Variants in FAS observed in about 807,000 individuals in gnomAD.
The protein encoded by FAS is Fas cell surface death receptor, also known as tumor necrosis factor receptor superfamily member 6.
FAS carries 5 observed loss-of-function variants against 33.2 expected under a neutral mutation model. That is an observed-to-expected ratio of 0.15 (90% CI 0.08 to 0.32). The LOEUF (loss-of-function observed/expected upper bound fraction) is 0.32, where lower values mean the gene tolerates loss of function less well. FAS is among the 10% of genes least tolerant of loss of function. The probability of loss-of-function intolerance (pLI) is 1.00; values close to 1 mark genes in which losing one functional copy is unlikely to be tolerated. For missense variants in FAS, 339 were observed against 386.0 expected, an observed-to-expected ratio of 0.88 and a Z score of 1.02; for synonymous variants, 131 against 130.7, an observed-to-expected ratio of 1.00 and a Z score of -0.01.
upstream of FAS, chr10:88,989,503 A>C (rs1293946119): frequency 1.8e-6 from 1 of 544,330 alleles, no homozygotes; most frequent in Non-Finnish European, 3.6e-6. Context: ...TGGCACGCCC[A>C]GGGTCTTCCT....
rs1410198642 is a variant in FAS at position 88,999,163 on chromosome 10, AT to A, written c.31-3865del. On this transcript the variant is annotated intron_variant, in intron 1 of 8. Coordinates refer to ENST00000652046, the MANE Select transcript of FAS (RefSeq NM_000043.6). ...GCGAGACTCCGTCTCAAAAAAATAAATAAATAAATAAAATAAAATAAAATAA... is the reference window on the plus strand; with the variant it reads ...GCGAGACTCCGTCTCAAAAAAATAAAAAATAAATAAAATAAAATAAAATAA... 4.0e-3 allele frequency among the ~76,000 whole-genome samples: 431 copies of A among 107,302 alleles called. 2 individuals carry two copies. The highest frequency in any genetic ancestry group is 0.012 in the African/African-American group (389 of 33,340). 70.4% of individuals were successfully genotyped at this position (107,302 alleles called of 152,430 possible).
upstream of FAS, among the ~76,000 whole-genome samples, chr10:88,990,043 C>T (rs1847071771): frequency 6.6e-6 from 1 of 152,070 alleles, no homozygotes. The surrounding 1 kb of genome is among the most constrained non-coding windows in gnomAD (Gnocchi z 4.9). Context: ...TAACGAAGGA[C>T]AGGAAGTAAT....
intron 1 of FAS, among the ~76,000 whole-genome samples, chr10:88,996,070 A>G (rs1002217342): frequency 6.6e-6 from 1 of 152,202 alleles, no homozygotes; most frequent in Non-Finnish European, 1.5e-5. Flanking sequence ...TTGTGTTTCT[A>G]TTCACCTCTG....
At chr10:89,012,402 T>G (rs1848578083) in intron 7 of FAS, 1 of 307,176 alleles carries the variant, frequency 3.3e-6, no homozygotes, top group Non-Finnish European at 6.3e-6. Flanking sequence ...GGTCTCAAAC[T>G]TTTGACCTCA....
intron 1 of FAS, among the ~76,000 whole-genome samples, chr10:88,994,410 A>C (rs1427892691): frequency 2.0e-5 from 3 of 152,240 alleles, no homozygotes; most frequent in Non-Finnish European, 2.9e-5. Flanking sequence ...CTATTTACTT[A>C]TGATGAAAAA....
chr10:88,970,143 T>C (rs577927010), intron 1 of FAS, among the ~76,000 whole-genome samples: 15 of 152,186 alleles, frequency 9.9e-5, no homozygotes, highest in African/African-American at 3.4e-4. Context: ...CAGGATATGA[T>C]ACCTAAAGAA....
chr10:88,997,320 G>A (rs1847660291), intron 1 of FAS, among the ~76,000 whole-genome samples: 1 of 152,104 alleles, frequency 6.6e-6, no homozygotes, highest in Admixed American at 6.5e-5. Context: ...CTATTTTTCT[G>A]ACTCTAGCAC....
At chr10:89,013,521 G>A (rs1589488956) in intron 8 of FAS, among the ~76,000 whole-genome samples, 154 bp downstream of exon 8, 1 of 152,118 alleles carries the variant, frequency 6.6e-6, no homozygotes, top group Admixed American at 6.5e-5. Context: ...GCATTTATCA[G>A]GCAGTTTGTT....
rs1216732253 is a variant in FAS at position 89,015,888 on chromosome 10, C to T, written c.*1438C>T. On this transcript the variant is annotated 3_prime_UTR_variant, in exon 9 of 9. Coordinates refer to ENST00000652046, the MANE Select transcript of FAS (RefSeq NM_000043.6). ...CTTGTCTTTAATGCTTCTTGGATCC[C>T]TTAGAAGGTACTTCCTTTTTAACCT... is the stretch of plus-strand genomic sequence containing the variant. 5.9e-6 allele frequency: 2 copies of T among 341,756 alleles called. No individual in the cohort carries two copies. Among genetic ancestry groups the T allele is most frequent in the Admixed American group, 8.6e-5 (2 of 23,222 alleles). 21.2% of individuals were successfully genotyped at this position (341,756 alleles called of 1,614,324 possible). A position where few individuals can be genotyped will look rare whatever the true frequency, so the allele number is the denominator to read the frequency against.
chr10:88,996,284 T>TC (rs1847585662), intron 1 of FAS, among the ~76,000 whole-genome samples: 1 of 151,888 alleles, frequency 6.6e-6, no homozygotes, highest in Admixed American at 6.6e-5. Context: ...GTTGTTTTTT[T>TC]TCATGTGAAT....
At position 89,014,786 on chromosome 10, in the gene FAS, A is replaced by C. The variant is rs1338718072; in HGVS notation, c.*336A>C. The C allele has an allele frequency of 3.6e-6, 2 of 556,836 alleles. No homozygotes were observed. Among genetic ancestry groups the C allele is most frequent in the Non-Finnish European group, 3.4e-6 (1 of 292,444 alleles). 34.5% of individuals were successfully genotyped at this position (556,836 alleles called of 1,614,324 possible). Reference sequence around the variant, plus strand: ...GAATGTAATCAGTGTATGTTAGTACAAATGTCTATCCACAGGCTAACCCCA... The same window carrying C: ...GAATGTAATCAGTGTATGTTAGTACCAATGTCTATCCACAGGCTAACCCCA... On this transcript the variant is annotated 3_prime_UTR_variant, in exon 9 of 9. Coordinates refer to ENST00000652046, the MANE Select transcript of FAS (RefSeq NM_000043.6).
rs1182023041 is a variant in FAS at position 89,014,827 on chromosome 10, G to T, written c.*377G>T. 1.8e-6 allele frequency: 1 copy of T among 543,728 alleles called. No individual in the cohort carries two copies. Among genetic ancestry groups the T allele is most frequent in the Non-Finnish European group, 3.5e-6 (1 of 283,342 alleles). The allele number at this position is 543,728 out of a possible 1,614,324, so 33.7% of individuals were successfully genotyped here. A position where few individuals can be genotyped will look rare whatever the true frequency, so the allele number is the denominator to read the frequency against. On this transcript the variant is annotated 3_prime_UTR_variant, in exon 9 of 9. Transcript: ENST00000652046. ...GCTAACCCCACTCTATGAATCAATA[G>T]AAGAAGCTATGACCTTTTGCTGAAA...
At chr10:88,981,705 G>A (rs577130308) in intron 2 of FAS, among the ~76,000 whole-genome samples, 63 of 152,232 alleles carry the variant, frequency 4.1e-4, no homozygotes, top group Admixed American at 9.8e-4. Context: ...CTGGATGGGG[G>A]AAACGGTAGA....
chr10:88,976,085 T>C (rs1168671808), intron 2 of FAS, among the ~76,000 whole-genome samples: 1 of 152,190 alleles, frequency 6.6e-6, no homozygotes, highest in Non-Finnish European at 1.5e-5. Context: ...GTTATAGTGA[T>C]AATATAATGT....
intron 1 of FAS, among the ~76,000 whole-genome samples, chr10:88,995,886 C>T (rs953451710): frequency 1.9e-4 from 29 of 152,286 alleles, no homozygotes; most frequent in African/African-American, 6.3e-4. Context: ...TGTGAATTAG[C>T]AAATCTGACT....
At position 89,014,409 on chromosome 10, in the gene FAS, G is replaced by A; in HGVS notation, c.967G>A (p.Glu323Lys). 1 of 1,612,414 alleles carries A rather than the reference G, an allele frequency of 6.2e-7. No homozygotes were observed. Among genetic ancestry groups the A allele is most frequent in the Middle Eastern group, 1.7e-4 (1 of 6,058 alleles). ...IILKDITSDS[E>K]NSNFRNEIQS... is the part of the protein sequence containing the mutation. ...CCTCAAGGACATTACTAGTGACTCA[G>A]AAAATTCAAACTTCAGAAATGAAAT... Residue 323 changes from glutamate to lysine, a missense_variant, in exon 9 of 9, where the codon GAA becomes AAA. By Grantham distance (56) the Glu-to-Lys change is moderately conservative. This residue lies in a region of FAS where 52 missense variants were observed against 52.7 expected (regional missense o/e 0.99). Coordinates refer to ENST00000652046, the MANE Select transcript of FAS (RefSeq NM_000043.6).
upstream of FAS, among the ~76,000 whole-genome samples, chr10:88,983,315 T>G (rs557215525): frequency 1.3e-5 from 2 of 152,238 alleles, no homozygotes; most frequent in South Asian, 4.1e-4. Flanking sequence ...ACCCGGAATT[T>G]AAGAAAATAA....
At chr10:88,990,541 C>A (rs777366435), upstream of FAS, 2 of 623,132 alleles carry the variant, frequency 3.2e-6, no homozygotes, top group Non-Finnish European at 6.0e-6. The surrounding 1 kb of genome is among the most constrained non-coding windows in gnomAD (Gnocchi z 4.9). Flanking sequence ...CCTACCCGCG[C>A]GCAGGCCAAG....
intron 1 of FAS, among the ~76,000 whole-genome samples, chr10:88,995,935 G>A (rs1208471357): frequency 6.6e-6 from 1 of 152,198 alleles, no homozygotes; most frequent in East Asian, 1.9e-4. Flanking sequence ...CCAGCAAAGT[G>A]AGCAAGCTTA....
Sources: gnomAD v4.1 joint callset for allele counts (sites outside exome capture counted in the v4.1 genomes callset) on GRCh38, gnomAD v4.1.1 for gene constraint, gnomAD v4.1.1 regional missense constraint, Gnocchi (gnomAD v3.1) non-coding constraint, MANE v1.5 for transcripts, NCBI Gene and HGNC (gene_info 2026-07-23, HGNC 2026-07-21) for gene names.